ACYP2: variants seen among roughly 807,000 people sequenced by gnomAD.
ACYP2 encodes acylphosphatase-2.
A neutral mutation model predicts 11.2 loss-of-function variants in ACYP2; 12 were observed. The ratio of observed to expected loss-of-function variants is 1.08; its 90% confidence interval spans 0.69 to 1.74. ACYP2 has a LOEUF of 1.74. ACYP2 is among the 40% of genes most tolerant of loss of function. The pLI is 0.00. For synonymous variants in ACYP2, 43 were observed against 32.2 expected (o/e 1.33, Z -1.13); for missense variants, 134 against 101.9 (o/e 1.31, Z -1.35).
At chr2:54,214,554 G>C (rs1349040325) in intron 6 of ACYP2, among the ~76,000 whole-genome samples, 1 of 152,186 alleles carries the variant, frequency 6.6e-6, no homozygotes, top group Non-Finnish European at 1.5e-5. Context: ...GGCTGAACAT[G>C]TGTGGCTTTA....
At chr2:54,010,563 T>A (rs1254407095) in intron 2 of ACYP2, among the ~76,000 whole-genome samples, 2 of 152,052 alleles carry the variant, frequency 1.3e-5, no homozygotes, top group Non-Finnish European at 2.9e-5. Context: ...ATATTTCATG[T>A]GTCCCATAAA....
At position 54,232,778 on chromosome 2, in the gene ACYP2, C is replaced by T. The variant is rs374842664; in HGVS notation, c.405-71910C>T. On this transcript the variant is annotated intron_variant, in intron 6 of 6. Transcript: ENST00000607452. ...AGGGAGAGCAAAGGGGGAAGTGCCA[C>T]ACTTTTAAACCATCAGATCTCATGA... is the stretch of plus-strand genomic sequence containing the variant. Among the ~76,000 whole-genome samples the T allele has an allele frequency of 2.0e-4, 31 of 152,222 alleles. 1 individual carries two copies. In the East Asian group the frequency reaches 2.9e-3, roughly 14 times the overall value.
chr2:54,095,557 G>A (rs1166371208), intron 4 of ACYP2, among the ~76,000 whole-genome samples: 10 of 148,176 alleles, frequency 6.7e-5, no homozygotes, highest in East Asian at 2.1e-4. Context: ...CTGGCTGGGC[G>A]GGGGGCTGAC....
intron 6 of ACYP2, among the ~76,000 whole-genome samples, chr2:54,175,238 A>T (rs1228762644): frequency 2.6e-5 from 4 of 152,090 alleles, no homozygotes; most frequent in South Asian, 2.1e-4. Context: ...GAGATTCAAC[A>T]TCTTCCTGGT....
intron 6 of ACYP2, among the ~76,000 whole-genome samples, chr2:54,219,877 GTGTGTATA>G (rs1195959208): frequency 1.9e-5 from 1 of 52,594 alleles, no homozygotes; most frequent in South Asian, 1.1e-3. Context: ...GTGTGTGTGT[GTGTGTATA>G]TATATATATA....
intron 4 of ACYP2, among the ~76,000 whole-genome samples, chr2:54,060,306 C>T (rs1320678140): frequency 1.3e-5 from 2 of 151,746 alleles, no homozygotes; most frequent in African/African-American, 4.8e-5. Context: ...GATTCGTTTG[C>T]TTTTATCTTC....
intron 4 of ACYP2, among the ~76,000 whole-genome samples, chr2:54,071,985 T>C (rs531983481): frequency 1.2e-4 from 19 of 152,154 alleles, no homozygotes; most frequent in African/African-American, 3.6e-4. Flanking sequence ...CACTCCAGCC[T>C]GGGAGACAGA....
At chr2:53,998,764 C>G (rs989355426) in intron 2 of ACYP2, among the ~76,000 whole-genome samples, 5 of 151,748 alleles carry the variant, frequency 3.3e-5, no homozygotes, top group African/African-American at 4.8e-5. Context: ...TGCAGTGAGC[C>G]AAAATTGCAC....
In ACYP2 at chr2:54,288,739, C is replaced by A. The variant is rs931344644; in HGVS notation, c.405-15949C>A. On this transcript the variant is annotated intron_variant, in intron 6 of 6. Transcript: ENST00000607452. ...CCGATGTAACGGTGCCTTGTAGGAT[C>A]CCACAGAAAGCTGCTAACTAGTTTT... 2.6e-5 allele frequency among the ~76,000 whole-genome samples: 4 copies of A among 151,970 alleles called. 1 individual carries two copies. Among genetic ancestry groups the A allele is most frequent in the African/African-American group, 9.7e-5 (4 of 41,256 alleles).
intron 2 of ACYP2, among the ~76,000 whole-genome samples, chr2:53,982,867 TGTGTGTGA>T (rs1385020739): frequency 1.5e-4 from 20 of 133,804 alleles, no homozygotes; most frequent in African/African-American, 5.1e-4. Flanking sequence ...TGTGTGTGTG[TGTGTGTGA>T]TATAAATAGG....
intron 6 of ACYP2, among the ~76,000 whole-genome samples, chr2:54,184,845 ATT>A (rs545856270): frequency 1.4e-4 from 20 of 139,056 alleles, no homozygotes; most frequent in Non-Finnish European, 1.3e-4. Context: ...CATTTAAGCA[ATT>A]TTTTTTTTTT....
chr2:54,101,566 C>T (rs540115078), intron 4 of ACYP2, among the ~76,000 whole-genome samples: 1 of 151,676 alleles, frequency 6.6e-6, no homozygotes, highest in South Asian at 2.1e-4. Flanking sequence ...TCCAGCTACT[C>T]AGGAGGCTGA....
intron 2 of ACYP2, among the ~76,000 whole-genome samples, chr2:54,017,993 C>T (rs544699177): frequency 4.6e-5 from 7 of 152,286 alleles, no homozygotes; most frequent in African/African-American, 1.2e-4. Context: ...AGCCACTGCA[C>T]CTGGCCAGTG....
chr2:54,067,917 G>C (rs1419577257), intron 4 of ACYP2, among the ~76,000 whole-genome samples: 2 of 152,058 alleles, frequency 1.3e-5, no homozygotes, highest in African/African-American at 4.8e-5. Context: ...GTTATCTTAC[G>C]CATAAAATAT....
At chr2:54,275,919 T>C (rs1255441732) in intron 6 of ACYP2, among the ~76,000 whole-genome samples, 5 of 152,216 alleles carry the variant, frequency 3.3e-5, no homozygotes, top group African/African-American at 4.8e-5. Flanking sequence ...CCTAATTATA[T>C]GTATGATAGG....
chr2:54,006,443 G>A (rs144645433), intron 2 of ACYP2, among the ~76,000 whole-genome samples: 17 of 152,054 alleles, frequency 1.1e-4, no homozygotes, highest in Admixed American at 2.0e-4. Flanking sequence ...CACCGCGCCC[G>A]GCCTCTAGTT....
intron 6 of ACYP2, among the ~76,000 whole-genome samples, 172 bp from the exon 4 acceptor site, chr2:54,304,516 C>A (rs1689843658): frequency 6.6e-6 from 1 of 151,956 alleles, no homozygotes; most frequent in Admixed American, 6.6e-5. Context: ...ATACATTATA[C>A]TCTGTGGTAT....
chr2:54,093,331 ATT>A (rs1216416636), intron 4 of ACYP2, among the ~76,000 whole-genome samples: 1 of 152,254 alleles, frequency 6.6e-6, no homozygotes, highest in Non-Finnish European at 1.5e-5. Context: ...TGAAAAGAAT[ATT>A]GTCTCTGCAA....
chr2:54,222,776 T>C (rs1176186168), intron 6 of ACYP2, among the ~76,000 whole-genome samples: 1 of 152,130 alleles, frequency 6.6e-6, no homozygotes, highest in Non-Finnish European at 1.5e-5. Context: ...TGTGGTCCCC[T>C]TCATATGTCC....
Sources: gnomAD v4.1 joint callset for allele counts (sites outside exome capture counted in the v4.1 genomes callset) on GRCh38, gnomAD v4.1.1 for gene constraint, MANE v1.5 for transcripts, NCBI Gene and HGNC (gene_info 2026-07-23, HGNC 2026-07-21) for gene names.